The following CDC42BPB variants were observed in gnomAD, a reference collection of about 807,000 sequenced individuals.
The protein encoded by CDC42BPB is CDC42 binding protein kinase beta, also known as serine/threonine-protein kinase MRCK beta.
A neutral mutation model predicts 214.9 loss-of-function variants in CDC42BPB; 37 were observed. The observed-to-expected ratio is 0.17, with a 90% confidence interval of 0.13 to 0.23. CDC42BPB has a LOEUF of 0.23. Among genes scored for constraint, CDC42BPB ranks in the 10% least tolerant of loss-of-function variants. CDC42BPB has a pLI of 1.00. For missense variants in CDC42BPB, 1,694 were observed against 2,227.0 expected, an observed-to-expected ratio of 0.76 and a Z score of 4.82; for synonymous variants, 931 against 884.0, an observed-to-expected ratio of 1.05 and a Z score of -0.94.
At chr14:102,950,156 G>C in intron 25 of CDC42BPB, 2 of 946,914 alleles carry the variant, frequency 2.1e-6, no homozygotes, top group Non-Finnish European at 1.3e-6. Flanking sequence ...GGTACACGCA[G>C]CCCGACAGTC....
chr14:102,988,704 T>C lies in CDC42BPB; in HGVS notation c.597-2124A>G, dbSNP rs1595498350. Among the ~76,000 whole-genome samples, 3 of 152,214 alleles carry C rather than the reference T, an allele frequency of 2.0e-5. No homozygotes were observed. In the South Asian group the frequency reaches 6.2e-4, roughly 32 times the overall value. ...GGGGTAAAGATAGACTTAAATAAAT[T>C]GGTGTTGTGACAACTGGAGAGCCAT... On this transcript the variant is annotated intron_variant, in intron 5 of 36. Coordinates refer to ENST00000361246, the MANE Select transcript of CDC42BPB (RefSeq NM_006035.4).
chr14:102,943,298 G>A lies in CDC42BPB; in HGVS notation c.4408+593C>T, dbSNP rs912010717. Among the ~76,000 whole-genome samples the A allele has an allele frequency of 3.3e-5, 5 of 152,152 alleles. No homozygotes were observed. The highest frequency in any genetic ancestry group is 7.2e-5 in the African/African-American group (3 of 41,432). On this transcript the variant is annotated intron_variant, in intron 30 of 36. Coordinates refer to ENST00000361246, the MANE Select transcript of CDC42BPB (RefSeq NM_006035.4). The surrounding 1 kb of genome is among the most constrained non-coding windows in gnomAD (Gnocchi z 4.6). ...CCGGTTTAAGGTTTTAAAAGCAATC[G>A]GACAGCGGGCCAGTCGGGAAGTGTC...
chr14:102,960,184 G>A (rs549006975), intron 20 of CDC42BPB, among the ~76,000 whole-genome samples: 4 of 151,852 alleles, frequency 2.6e-5, no homozygotes, highest in Admixed American at 6.6e-5. Flanking sequence ...CAGCCTGGGC[G>A]ACAGAGCAAG....
At chr14:103,030,057 C>CCTG (rs35450011) in intron 1 of CDC42BPB, among the ~76,000 whole-genome samples, 10,098 of 152,190 alleles carry the variant, frequency 0.066, 427 homozygotes, top group Middle Eastern at 0.12. Context: ...GGTGGCTGCT[C>CCTG]CTGAACCAGA....
At position 102,943,105 on chromosome 14, in the gene CDC42BPB, T is replaced by A. The variant is rs1891975595; in HGVS notation, c.4408+786A>T. ...CCAGGATGGTCTCGATCTCCTAACCTCGTGATCCGCCCTGCCTTGGGCTCC... is the reference window on the plus strand; with the variant it reads ...CCAGGATGGTCTCGATCTCCTAACCACGTGATCCGCCCTGCCTTGGGCTCC... On this transcript the variant is annotated intron_variant, in intron 30 of 36. Transcript: ENST00000361246. The surrounding 1 kb of genome is among the most constrained non-coding windows in gnomAD (Gnocchi z 4.6). 2.6e-5 allele frequency among the ~76,000 whole-genome samples: 4 copies of A among 152,148 alleles called. No individual in the cohort carries two copies. Among genetic ancestry groups the A allele is most frequent in the Admixed American group, 2.6e-4 (4 of 15,272 alleles).
At chr14:103,003,371 G>A (rs1444748635) in intron 4 of CDC42BPB, among the ~76,000 whole-genome samples, 2 of 152,226 alleles carry the variant, frequency 1.3e-5, no homozygotes, top group African/African-American at 2.4e-5. Context: ...GAACACGCTT[G>A]ACAATGCACA....
At chr14:103,018,278 T>C (rs1417143442) in intron 1 of CDC42BPB, among the ~76,000 whole-genome samples, 1 of 152,200 alleles carries the variant, frequency 6.6e-6, no homozygotes, top group Non-Finnish European at 1.5e-5. Flanking sequence ...GGGATCCCTG[T>C]GGTAAAGTAT....
chr14:102,999,661 T>C lies in CDC42BPB; in HGVS notation c.500A>G (p.Lys167Arg), dbSNP rs1894891478. Residue 167 changes from lysine (K) to arginine (R), a missense_variant, in exon 5 of 37, where the codon AAA (lysine) becomes AGA (arginine). By Grantham distance (26) the Lys-to-Arg change is conservative. This residue lies in a region of CDC42BPB where 225 missense variants were observed against 459.3 expected (regional missense o/e 0.49). Coordinates refer to ENST00000361246, the MANE Select transcript of CDC42BPB (RefSeq NM_006035.4). Reference sequence around the variant, plus strand: ...ATCTTCCGGAAGCTTGTCTTCAAATTTGCTGAGCAGGGTCAGTAAATCACC... The same window carrying C: ...ATCTTCCGGAAGCTTGTCTTCAAATCTGCTGAGCAGGGTCAGTAAATCACC... The part of the protein sequence containing the change: ...VGGDLLTLLS[K>R]FEDKLPEDMA... 1.9e-6 allele frequency: 3 copies of C among 1,614,034 alleles called. No homozygotes were observed. Among genetic ancestry groups the C allele is most frequent in the Admixed American group, 1.7e-5 (1 of 60,000 alleles).
chr14:103,002,605 C>T (rs1474708278), intron 4 of CDC42BPB, among the ~76,000 whole-genome samples: 2 of 152,188 alleles, frequency 1.3e-5, no homozygotes, highest in East Asian at 3.9e-4. Context: ...GGACACTGAG[C>T]AGGAAGCGGG....
intron 9 of CDC42BPB, among the ~76,000 whole-genome samples, chr14:102,977,473 A>G (rs192552606): frequency 7.9e-4 from 119 of 151,446 alleles, no homozygotes; most frequent in Admixed American, 1.2e-3. Flanking sequence ...GTCTCATTTC[A>G]CCTCTCTTTC....
At position 102,986,468 on chromosome 14, in the gene CDC42BPB, C is replaced by A. The variant is rs775678433; in HGVS notation, c.690+19G>T. The A allele has an allele frequency of 6.3e-7, 1 of 1,596,740 alleles. No homozygotes were observed. The highest frequency in any genetic ancestry group is 8.6e-7 in the Non-Finnish European group (1 of 1,166,636). On this transcript the variant is annotated intron_variant, in intron 6 of 36. Coordinates refer to ENST00000361246, the MANE Select transcript of CDC42BPB (RefSeq NM_006035.4). ...CCAAACCCAAAACCAAATGGAAAAT[C>A]TCCAACAAAAATACCTACAGTGCCA...
chr14:102,945,551 C>T, intron 29 of CDC42BPB, 111 bp downstream of exon 29: 2 of 957,820 alleles, frequency 2.1e-6, no homozygotes, highest in Non-Finnish European at 3.3e-6. Context: ...CCCTCCGGCG[C>T]CTTCATCAAG....
At chr14:103,038,723 G>GT (rs1057074515) in intron 1 of CDC42BPB, among the ~76,000 whole-genome samples, 2 of 114,502 alleles carry the variant, frequency 1.7e-5, no homozygotes, top group African/African-American at 3.4e-5. Flanking sequence ...GACGGGGGGG[G>GT]GGGGCGGGTC....
chr14:103,015,073 C>T (rs1304387179), intron 1 of CDC42BPB, among the ~76,000 whole-genome samples: 13 of 152,170 alleles, frequency 8.5e-5, no homozygotes, highest in Admixed American at 6.5e-4. Context: ...TTCCCTAAAG[C>T]GGGCAGACAC....
intron 30 of CDC42BPB, among the ~76,000 whole-genome samples, chr14:102,942,728 G>A (rs1211745852): frequency 7.0e-6 from 1 of 142,016 alleles, no homozygotes; most frequent in African/African-American, 2.7e-5. Context: ...TGTTTGAGAC[G>A]GAGTCCTGCT....
rs1182745752 is a variant in CDC42BPB, at chr14:102,943,017, C to T, written c.4408+874G>A. On this transcript the variant is annotated intron_variant, in intron 30 of 36. Transcript: ENST00000361246. The surrounding 1 kb of genome is among the most constrained non-coding windows in gnomAD (Gnocchi z 4.6). ...CTGAGTAGCTGGGACTACAGGCGCC[C>T]GCCACCACGCCCGGCTAATTTTTTT... 2.0e-5 allele frequency among the ~76,000 whole-genome samples: 3 copies of T among 152,116 alleles called. No homozygotes were observed. The highest frequency in any genetic ancestry group is 4.8e-5 in the African/African-American group (2 of 41,418).
At chr14:103,026,824 C>T (rs1436879701) in intron 1 of CDC42BPB, among the ~76,000 whole-genome samples, 5 of 151,200 alleles carry the variant, frequency 3.3e-5, no homozygotes, top group Admixed American at 2.0e-4. Context: ...GCTGAGATCG[C>T]GCCACTGCAC....
intron 1 of CDC42BPB, among the ~76,000 whole-genome samples, chr14:103,037,684 G>C (rs1210414168): frequency 6.6e-6 from 1 of 152,146 alleles, no homozygotes; most frequent in Non-Finnish European, 1.5e-5. Flanking sequence ...TAAGGGCTTT[G>C]TAAAGCCCAA....
chr14:102,976,018 T>C lies in CDC42BPB; in HGVS notation c.1252A>G (p.Ile418Val). 1 of 1,614,254 alleles carries C rather than the reference T, an allele frequency of 6.2e-7. No homozygotes were observed. The highest frequency in any genetic ancestry group is 8.5e-7 in the Non-Finnish European group (1 of 1,180,038). Residue 418 changes from isoleucine to valine, a missense_variant, in exon 10 of 37, where the codon ATA (isoleucine) becomes GTA (valine). This residue lies in a region of CDC42BPB where 462 missense variants were observed against 513.5 expected (regional missense o/e 0.90). Transcript: ENST00000361246. ...CFSDRGSLKS[I>V]MQSNTLTKDE... ...TTGGTTAATGTGTTGGACTGCATTA[T>C]GCTCTTCAGAGAGCCTCGATCAGAA... is the stretch of plus-strand genomic sequence containing the variant.
Sources: allele counts gnomAD v4.1 joint callset (sites outside exome capture counted in the v4.1 genomes callset), GRCh38; gene constraint gnomAD v4.1.1; regional missense constraint gnomAD v4.1.1; non-coding constraint Gnocchi (gnomAD v3.1); transcripts MANE v1.5; gene names NCBI Gene and HGNC (gene_info 2026-07-23, HGNC 2026-07-21).